Variants in DPYD observed in about 807,000 individuals in gnomAD.
The protein encoded by DPYD is dihydropyrimidine dehydrogenase [NADP(+)].
In DPYD, 109 loss-of-function variants were observed where a neutral mutation model predicts 116.2. That is an observed-to-expected ratio of 0.94 (90% CI 0.80 to 1.10). DPYD has a LOEUF of 1.10. Among genes scored for constraint, DPYD ranks in the 50% least tolerant of loss-of-function variants. The pLI is 0.00. For synonymous variants in DPYD, 440 were observed against 432.0 expected (o/e 1.02, Z -0.23); for missense variants, 1,302 against 1,254.5 (o/e 1.04, Z -0.57).
At chr1:97,631,226 A>G (rs970141615) in intron 8 of DPYD, among the ~76,000 whole-genome samples, 4 of 152,090 alleles carry the variant, frequency 2.6e-5, no homozygotes, top group African/African-American at 9.7e-5. Context: ...ACTGCAAGCC[A>G]AAAGGAGTGA....
At chr1:97,460,324 T>C (rs1676946210) in intron 13 of DPYD, among the ~76,000 whole-genome samples, 1 of 152,182 alleles carries the variant, frequency 6.6e-6, no homozygotes, top group Non-Finnish European at 1.5e-5. Context: ...TATTACATGA[T>C]CCTTTGGGAT....
chr1:97,804,900 T>A (rs1668010971), intron 3 of DPYD, among the ~76,000 whole-genome samples: 1 of 151,908 alleles, frequency 6.6e-6, no homozygotes, highest in African/African-American at 2.4e-5. Context: ...ATAAATTATT[T>A]CATTTACATA....
rs186840441 is a variant in DPYD, at chr1:97,695,545, G to C, written c.681-3747C>G. On this transcript the variant is annotated intron_variant, in intron 6 of 22. Coordinates refer to ENST00000370192, the MANE Select transcript of DPYD (RefSeq NM_000110.4). Reference sequence around the variant, plus strand: ...GGCACTTTGCCTTGTTTACTTTTATGCTCTAAATAGAGCCAGAAATAATGA... The same window carrying C: ...GGCACTTTGCCTTGTTTACTTTTATCCTCTAAATAGAGCCAGAAATAATGA... 4.9e-3 allele frequency among the ~76,000 whole-genome samples: 734 copies of C among 150,828 alleles called. 4 individuals carry two copies. The highest frequency in any genetic ancestry group is 0.026 in the South Asian group (123 of 4,726).
At chr1:97,772,234 C>A (rs1666181540) in intron 3 of DPYD, among the ~76,000 whole-genome samples, 1 of 152,168 alleles carries the variant, frequency 6.6e-6, no homozygotes, top group Non-Finnish European at 1.5e-5. Context: ...ATAACTACTT[C>A]TTGAGTGTCC....
At chr1:97,554,248 C>G (rs936757132) in intron 11 of DPYD, among the ~76,000 whole-genome samples, 1 of 151,962 alleles carries the variant, frequency 6.6e-6, no homozygotes, top group African/African-American at 2.4e-5. Flanking sequence ...AAAAGAGAAA[C>G]CCACAAGCAT....
At chr1:97,157,269 TAATAA>T (rs1174135315) in intron 20 of DPYD, among the ~76,000 whole-genome samples, 4 of 151,724 alleles carry the variant, frequency 2.6e-5, no homozygotes, top group African/African-American at 9.7e-5. Context: ...AGTATAATAA[TAATAA>T]AATAAAATTA....
chr1:97,883,475 C>T (rs1024114819), intron 1 of DPYD, 101 bp from the exon 2 acceptor site: 14 of 902,246 alleles, frequency 1.6e-5, no homozygotes, highest in Non-Finnish European at 2.1e-5. Flanking sequence ...CACGGTCTCT[C>T]TCACTTTGTC....
intron 5 of DPYD, among the ~76,000 whole-genome samples, chr1:97,705,307 G>C (rs560023997): frequency 6.6e-6 from 1 of 151,674 alleles, no homozygotes; most frequent in Non-Finnish European, 1.5e-5. Flanking sequence ...AACAGTCCCC[G>C]GTGTGTGGTG....
chr1:97,304,132 T>C (rs1055899722), intron 18 of DPYD, among the ~76,000 whole-genome samples: 1 of 152,032 alleles, frequency 6.6e-6, no homozygotes, highest in Non-Finnish European at 1.5e-5. Flanking sequence ...TGACCTCCTT[T>C]ATTCTCTTGC....
At chr1:97,798,753 T>C (rs1453686571) in intron 3 of DPYD, among the ~76,000 whole-genome samples, 1 of 152,040 alleles carries the variant, frequency 6.6e-6, no homozygotes, top group East Asian at 1.9e-4. Context: ...TTGTTATCTT[T>C]TAATAAATGC....
chr1:97,830,238 T>C (rs1228908947), intron 2 of DPYD, among the ~76,000 whole-genome samples: 1 of 152,120 alleles, frequency 6.6e-6, no homozygotes, highest in Non-Finnish European at 1.5e-5. Context: ...ATTTTTAACT[T>C]TACTTGGGCC....
At chr1:97,580,773 T>C (rs1451694078) in intron 10 of DPYD, among the ~76,000 whole-genome samples, 1 of 152,188 alleles carries the variant, frequency 6.6e-6, no homozygotes, top group Non-Finnish European at 1.5e-5. Context: ...AGGTGATGTC[T>C]TACCCTCGCC....
intron 20 of DPYD, among the ~76,000 whole-genome samples, chr1:97,163,235 G>T (rs864341): frequency 0.18 from 27,094 of 152,016 alleles, 2,456 homozygotes; most frequent in East Asian, 0.29. Flanking sequence ...CTACTTATCT[G>T]ACAAAGGGCT....
At chr1:97,335,753 A>G (rs1669254295) in intron 16 of DPYD, among the ~76,000 whole-genome samples, 1 of 152,224 alleles carries the variant, frequency 6.6e-6, no homozygotes, top group African/African-American at 2.4e-5. Context: ...TTAAAATAAC[A>G]TATGGGAAAA....
At chr1:97,752,956 T>C (rs1233835931) in intron 3 of DPYD, among the ~76,000 whole-genome samples, 1 of 152,208 alleles carries the variant, frequency 6.6e-6, no homozygotes, top group Non-Finnish European at 1.5e-5. Flanking sequence ...TAATCCAGTT[T>C]TTGTACAGTT....
intron 3 of DPYD, among the ~76,000 whole-genome samples, chr1:97,747,503 C>A (rs1664623701): frequency 6.6e-6 from 1 of 152,010 alleles, no homozygotes; most frequent in African/African-American, 2.4e-5. Context: ...AGGAAGATGG[C>A]AAGATTCAAG....
chr1:97,829,102 T>C (rs1322585830), intron 2 of DPYD, among the ~76,000 whole-genome samples: 3 of 151,868 alleles, frequency 2.0e-5, no homozygotes, highest in Admixed American at 2.0e-4. Flanking sequence ...TGGAATTTAC[T>C]AGTATTTAGT....
At chr1:97,710,922 TA>T (rs991945437) in intron 5 of DPYD, among the ~76,000 whole-genome samples, 10 of 151,092 alleles carry the variant, frequency 6.6e-5, no homozygotes, top group South Asian at 2.1e-4. Context: ...AAAACAACAA[TA>T]AAAAAAACAT....
At chr1:97,885,985 C>T (rs1672466563) in intron 1 of DPYD, among the ~76,000 whole-genome samples, 1 of 151,872 alleles carries the variant, frequency 6.6e-6, no homozygotes, top group African/African-American at 2.4e-5. Flanking sequence ...AGAGTAAGGA[C>T]CTCTGCAGAC....
Sources: gnomAD v4.1 joint callset for allele counts (sites outside exome capture counted in the v4.1 genomes callset) on GRCh38, gnomAD v4.1.1 for gene constraint, MANE v1.5 for transcripts, NCBI Gene and HGNC (gene_info 2026-07-23, HGNC 2026-07-21) for gene names.